ANKH: variants seen among roughly 807,000 people sequenced by gnomAD.
The protein encoded by ANKH is ANKH inorganic pyrophosphate transport regulator.
Under a neutral mutation model 49.0 loss-of-function variants are expected in ANKH, and 15 were observed. That is an observed-to-expected ratio of 0.31 (90% CI 0.20 to 0.47). ANKH has a LOEUF of 0.47. Among genes scored for constraint, ANKH ranks in the 20% least tolerant of loss-of-function variants. The pLI is 1.00. For missense variants in ANKH, 429 were observed against 652.0 expected (o/e 0.66, Z 3.72); for synonymous variants, 273 against 260.0 (o/e 1.05, Z -0.48).
In ANKH at chr5:14,711,206, C is replaced by G. The variant is rs752283039; in HGVS notation, c.1470G>C (p.Glu490Asp). Residue 490 changes from glutamate (E) to aspartate (D), a missense_variant, in exon 12 of 12, where the codon GAG (glutamate) becomes GAC (aspartate). Glu to Asp is a conservative substitution (Grantham distance 45). This residue lies in a region of ANKH where 51 missense variants were observed against 36.7 expected (regional missense o/e 1.39). Transcript: ENST00000284268. ...EVTDIVEMRE[E>D]NE ...CATGGCGTCCCGTGCCTTATTCATT[C>G]TCCTCTCTCATTTCCACGATGTCTG... The G allele has an allele frequency of 2.5e-6, 4 of 1,614,010 alleles. No homozygotes were observed. Among genetic ancestry groups the G allele is most frequent in the Non-Finnish European group, 3.4e-6 (4 of 1,179,870 alleles).
At chr5:14,793,007 AAT>A (rs1554006420) in intron 1 of ANKH, among the ~76,000 whole-genome samples, 1,332 of 79,690 alleles carry the variant, frequency 0.017, 53 homozygotes, top group African/African-American at 0.065. Context: ...TATATATATA[AAT>A]ATATATATAT....
intron 2 of ANKH, among the ~76,000 whole-genome samples, chr5:14,764,664 C>G (rs986131664): frequency 2.0e-5 from 3 of 152,244 alleles, no homozygotes; most frequent in African/African-American, 7.2e-5. Context: ...CTGGCACTGT[C>G]TGTTCGCTCC....
At chr5:14,774,723 G>C (rs868659832) in intron 1 of ANKH, among the ~76,000 whole-genome samples, 3 of 151,946 alleles carry the variant, frequency 2.0e-5, no homozygotes, top group African/African-American at 7.3e-5. Flanking sequence ...ATCTTTACTT[G>C]TTATTTATTT....
At chr5:14,783,584 T>A (rs1739879825) in intron 1 of ANKH, among the ~76,000 whole-genome samples, 1 of 152,156 alleles carries the variant, frequency 6.6e-6, no homozygotes, top group African/African-American at 2.4e-5. Flanking sequence ...AAGGATATGA[T>A]CATGGCACCC....
At chr5:14,753,691 A>G (rs1227167050) in intron 4 of ANKH, among the ~76,000 whole-genome samples, 2 of 152,252 alleles carry the variant, frequency 1.3e-5, no homozygotes, top group Non-Finnish European at 2.9e-5. Context: ...TGACTGGAAC[A>G]TATCACTGTT....
At chr5:14,803,199 C>T (rs1479044513) in intron 1 of ANKH, among the ~76,000 whole-genome samples, 1 of 152,216 alleles carries the variant, frequency 6.6e-6, no homozygotes, top group East Asian at 1.9e-4. Context: ...GCCCCTCCTG[C>T]AAATCTGTTT....
intron 8 of ANKH, among the ~76,000 whole-genome samples, chr5:14,736,323 C>T (rs573110072): frequency 1.3e-5 from 2 of 152,286 alleles, no homozygotes; most frequent in South Asian, 2.1e-4. Flanking sequence ...GTGGGGCCAG[C>T]CCTGGACAGA....
At position 14,843,176 on chromosome 5, in the gene ANKH, T is replaced by C. The variant is rs946828506; in HGVS notation, c.96+28176A>G. The stretch of plus-strand genomic sequence containing the variant: ...CCTTTGCAGAGCCACCAGGGTTCTC[T>C]TTTTTTTTTTTTTTTTTTGAGAAGA... On this transcript the variant is annotated intron_variant, in intron 1 of 11. Coordinates refer to ENST00000284268, the MANE Select transcript of ANKH (RefSeq NM_054027.6). Among the ~76,000 whole-genome samples the C allele has an allele frequency of 1.2e-3, 70 of 56,462 alleles. 1 individual carries two copies. Among genetic ancestry groups the C allele is most frequent in the African/African-American group, 3.3e-3 (47 of 14,238 alleles). The allele number at this position is 56,462 out of a possible 152,430, so 37.0% of individuals were successfully genotyped here.
chr5:14,762,749 T>G (rs1739130555), intron 2 of ANKH, among the ~76,000 whole-genome samples: 1 of 142,932 alleles, frequency 7.0e-6, no homozygotes, highest in Admixed American at 6.9e-5. Context: ...GGTGGGGGGG[T>G]AATTTGTTTA....
chr5:14,848,096 T>C (rs1742015910), intron 1 of ANKH, among the ~76,000 whole-genome samples: 2 of 152,146 alleles, frequency 1.3e-5, no homozygotes, highest in Admixed American at 6.5e-5. Flanking sequence ...GCTGAGACTG[T>C]GCCACTACAC....
Position 14,868,210 on chromosome 5 carries a change from T to G in ANKH, c.96+3142A>C, listed in dbSNP as rs988396379. Among the ~76,000 whole-genome samples, 5 of 152,268 alleles carry G rather than the reference T, an allele frequency of 3.3e-5. No individual in the cohort carries two copies. In the East Asian group the frequency reaches 9.7e-4, roughly 29 times the overall value. On this transcript the variant is annotated intron_variant, in intron 1 of 11. Coordinates refer to ENST00000284268, the MANE Select transcript of ANKH (RefSeq NM_054027.6). ...GCTTATTTAACTTTCAGTGGAATCT[T>G]ATACATAGCTGGATTTCCATTTCAA...
At position 14,797,976 on chromosome 5, in the gene ANKH, G is replaced by A. The variant is rs1178060979; in HGVS notation, c.97-28785C>T. On this transcript the variant is annotated intron_variant, in intron 1 of 11. Transcript: ENST00000284268. ...AAGAATATCACTGGAAGGAGTCTTTGTTGTGATGATACAAGGGTTCTGGGG... is the reference window on the plus strand; with the variant it reads ...AAGAATATCACTGGAAGGAGTCTTTATTGTGATGATACAAGGGTTCTGGGG... 7 of 1,563,268 alleles carry A rather than the reference G, an allele frequency of 4.5e-6. No homozygotes were observed. The East Asian group carries it at 9.0e-5, about 20-fold the overall frequency.
chr5:14,801,859 C>G (rs1390951532), intron 1 of ANKH, among the ~76,000 whole-genome samples: 1 of 152,178 alleles, frequency 6.6e-6, no homozygotes, highest in Non-Finnish European at 1.5e-5. Context: ...AACATTACAA[C>G]CAACAATTTT....
chr5:14,719,075 C>A (rs1000212819), intron 8 of ANKH, among the ~76,000 whole-genome samples: 2 of 152,128 alleles, frequency 1.3e-5, no homozygotes, highest in Non-Finnish European at 2.9e-5. Flanking sequence ...ACTGAAAGGG[C>A]CCATCCGGGG....
At chr5:14,750,873 A>C (rs1469442475) in intron 5 of ANKH, among the ~76,000 whole-genome samples, 196 bp downstream of exon 5, 1 of 152,192 alleles carries the variant, frequency 6.6e-6, no homozygotes, top group African/African-American at 2.4e-5. Flanking sequence ...GACATCTCAG[A>C]TCACATCCAT....
At chr5:14,807,998 G>C (rs1356580662) in intron 1 of ANKH, among the ~76,000 whole-genome samples, 1 of 152,126 alleles carries the variant, frequency 6.6e-6, no homozygotes, top group Non-Finnish European at 1.5e-5. Context: ...GTTATTGCTG[G>C]TCATTTATGA....
At chr5:14,792,987 T>TAAAAATATATATATATAA (rs1412868335) in intron 1 of ANKH, among the ~76,000 whole-genome samples, 1,227 of 106,610 alleles carry the variant, frequency 0.012, 27 homozygotes, top group Non-Finnish European at 0.018. Context: ...TATATATATA[T>TAAAAATATATATATATAA]AAAAATATAT....
chr5:14,825,313 T>C (rs1045022569), intron 1 of ANKH, among the ~76,000 whole-genome samples: 1 of 152,198 alleles, frequency 6.6e-6, no homozygotes, highest in African/African-American at 2.4e-5. Flanking sequence ...ACAGCTTCTA[T>C]CTGACATCTG....
At chr5:14,802,361 A>C (rs1474841749) in intron 1 of ANKH, among the ~76,000 whole-genome samples, 1 of 151,852 alleles carries the variant, frequency 6.6e-6, no homozygotes, top group Non-Finnish European at 1.5e-5. Flanking sequence ...CTATGTATCA[A>C]TTATATCCAT....
Sources: gnomAD v4.1 joint callset for allele counts (sites outside exome capture counted in the v4.1 genomes callset) on GRCh38, gnomAD v4.1.1 for gene constraint, gnomAD v4.1.1 regional missense constraint, MANE v1.5 for transcripts, NCBI Gene and HGNC (gene_info 2026-07-23, HGNC 2026-07-21) for gene names.